Variants in TBC1D4 observed in about 807,000 individuals in gnomAD.
TBC1D4 encodes TBC (Tre-2, BUB2, CDC16) domain-containing protein.
Under a neutral mutation model 142.5 loss-of-function variants are expected in TBC1D4, and 121 were observed. The ratio of observed to expected loss-of-function variants is 0.85; its 90% CI spans 0.73 to 0.99. TBC1D4 has a LOEUF of 0.99. Among genes scored for constraint, TBC1D4 ranks in the 50% least tolerant of loss-of-function variants. TBC1D4 has a pLI of 0.00. For missense variants in TBC1D4, 1,475 were observed against 1,606.6 expected, an observed-to-expected ratio of 0.92 and a Z score of 1.40; for synonymous variants, 630 against 628.2, an observed-to-expected ratio of 1.00 and a Z score of -0.04.
Position 75,341,533 on chromosome 13 carries a change from G to A in TBC1D4, c.1463C>T (p.Thr488Ile). 1 of 1,613,932 alleles carries A rather than the reference G, an allele frequency of 6.2e-7. No homozygotes were observed. The highest frequency in any genetic ancestry group is 8.5e-7 in the Non-Finnish European group (1 of 1,179,986). ...LVIQRHLSSL[T>I]DNEQADIFER... The stretch of plus-strand genomic sequence containing the variant: ...AAAGATGTCAGCTTGCTCATTATCT[G>A]TCAGTGATGAGAGATGCCTCTGTAT... Residue 488 changes from threonine (T) to isoleucine (I), a missense_variant, in exon 6 of 21, where the codon ACA becomes ATA. Physicochemically the swap from Thr to Ile is moderately conservative, Grantham distance 89 (BLOSUM62 -1). Coordinates refer to ENST00000377636, the MANE Select transcript of TBC1D4 (RefSeq NM_014832.5).
chr13:75,379,689 T>C (rs1883707970), intron 1 of TBC1D4, among the ~76,000 whole-genome samples: 1 of 152,112 alleles, frequency 6.6e-6, no homozygotes, highest in Non-Finnish European at 1.5e-5. Flanking sequence ...ACATTAGAAG[T>C]TCTTGAGTCC....
At position 75,326,305 on chromosome 13, in the gene TBC1D4, G is replaced by A. The variant is rs1417664552; in HGVS notation, c.1925C>T (p.Thr642Met). 3.1e-6 allele frequency: 5 copies of A among 1,614,018 alleles called. No homozygotes were observed. Among genetic ancestry groups the A allele is most frequent in the East Asian group, 2.2e-5 (1 of 44,876 alleles). ...DSPQFRRRAH[T>M]FSHPPSSTKR... ...TGTGCTTGAAGGTGGGTGGCTGAACGTGTGTGCCCGTCTTCGAAACTGCGG... is the reference window on the plus strand; with the variant it reads ...TGTGCTTGAAGGTGGGTGGCTGAACATGTGTGCCCGTCTTCGAAACTGCGG... Residue 642 changes from threonine (T) to methionine (M), a missense_variant, in exon 10 of 21, where the codon ACG (threonine) becomes ATG (methionine). This residue lies in a region of TBC1D4 where 1,227 missense variants were observed against 1,267.7 expected (regional missense o/e 0.97). Transcript: ENST00000377636.
intron 1 of TBC1D4, among the ~76,000 whole-genome samples, chr13:75,434,911 G>T (rs977926499): frequency 2.7e-5 from 4 of 150,358 alleles, no homozygotes; most frequent in Middle Eastern, 3.4e-3. Flanking sequence ...ACTTTGGGAG[G>T]CCAAGGCAGG....
At chr13:75,438,091 C>G (rs2138187085) in intron 1 of TBC1D4, among the ~76,000 whole-genome samples, 1 of 152,326 alleles carries the variant, frequency 6.6e-6, no homozygotes, top group South Asian at 2.1e-4. Context: ...CCTCATTCTG[C>G]TATATCCAAT....
At chr13:75,453,893 T>G (rs1593903495) in intron 1 of TBC1D4, among the ~76,000 whole-genome samples, 1 of 151,860 alleles carries the variant, frequency 6.6e-6, no homozygotes, top group East Asian at 1.9e-4. Context: ...TTTAATAATA[T>G]CGAAAAAGAA....
rs1887158170 is a variant in TBC1D4, at chr13:75,443,921, T to C, written c.498+37349A>G. Reference sequence around the variant, plus strand: ...GATACAGACGTGACAACAGGATAACTTTCATAGTCTTCTTAAAGCATTTTA... The same window carrying C: ...GATACAGACGTGACAACAGGATAACCTTCATAGTCTTCTTAAAGCATTTTA... On this transcript the variant is annotated intron_variant, in intron 1 of 20. Transcript: ENST00000377636. Among the ~76,000 whole-genome samples, 6 of 151,956 alleles carry C rather than the reference T, an allele frequency of 3.9e-5. 1 individual carries two copies. The South Asian group carries it at 1.2e-3, about 31-fold the overall frequency.
At chr13:75,419,407 C>T (rs2138112724) in intron 1 of TBC1D4, among the ~76,000 whole-genome samples, 1 of 152,226 alleles carries the variant, frequency 6.6e-6, no homozygotes, top group East Asian at 1.9e-4. Context: ...GTAAGGATTG[C>T]AGATTTTTAC....
chr13:75,339,393 C>T (rs1244031883), intron 7 of TBC1D4, among the ~76,000 whole-genome samples: 3 of 152,052 alleles, frequency 2.0e-5, no homozygotes, highest in Non-Finnish European at 4.4e-5. Flanking sequence ...CTTCTCACTC[C>T]CTTACTTGAA....
intron 1 of TBC1D4, among the ~76,000 whole-genome samples, chr13:75,460,919 C>G (rs1292419790): frequency 6.6e-6 from 1 of 151,906 alleles, no homozygotes; most frequent in Non-Finnish European, 1.5e-5. Context: ...CAAGATCCTG[C>G]TTCAAAAAAA....
In TBC1D4 at chr13:75,286,766, T is replaced by G; in HGVS notation, c.*26A>C. Reference sequence around the variant, plus strand: ...CTCTCTGTAGTATTCTAAGGAGCACTTTCTGCTGAGGCCGTGCCTCTTCAA... The same window carrying G: ...CTCTCTGTAGTATTCTAAGGAGCACGTTCTGCTGAGGCCGTGCCTCTTCAA... On this transcript the variant is annotated 3_prime_UTR_variant, in exon 21 of 21. Coordinates refer to ENST00000377636, the MANE Select transcript of TBC1D4 (RefSeq NM_014832.5). 6.2e-7 allele frequency: 1 copy of G among 1,608,002 alleles called. No homozygotes were observed. Among genetic ancestry groups the G allele is most frequent in the Non-Finnish European group, 8.5e-7 (1 of 1,176,098 alleles).
At chr13:75,374,375 A>C (rs1883385084) in intron 1 of TBC1D4, among the ~76,000 whole-genome samples, 1 of 152,158 alleles carries the variant, frequency 6.6e-6, no homozygotes, top group African/African-American at 2.4e-5. Context: ...TATGTATGTC[A>C]AACATACATA....
chr13:75,357,996 T>TA (rs1230317547), intron 3 of TBC1D4, among the ~76,000 whole-genome samples: 3 of 12,690 alleles, frequency 2.4e-4, no homozygotes, highest in East Asian at 1.1e-3. Context: ...TTCTTTTTTC[T>TA]TTCTATTTTT....
At chr13:75,313,229 GAAAT>G (rs1275259662) in intron 12 of TBC1D4, among the ~76,000 whole-genome samples, 1 of 152,190 alleles carries the variant, frequency 6.6e-6, no homozygotes, top group Non-Finnish European at 1.5e-5. Context: ...CTTTGCTAAG[GAAAT>G]AACATGAATA....
intron 1 of TBC1D4, among the ~76,000 whole-genome samples, chr13:75,409,989 A>G (rs889101123): frequency 2.6e-5 from 4 of 152,164 alleles, no homozygotes; most frequent in Admixed American, 6.5e-5. Flanking sequence ...CAGATTTTTA[A>G]ATTTGTTCAC....
In TBC1D4 at chr13:75,362,513, T is replaced by C; in HGVS notation, c.593A>G (p.Asn198Ser). 1.9e-6 allele frequency: 3 copies of C among 1,614,190 alleles called. No homozygotes were observed. Among genetic ancestry groups the C allele is most frequent in the Non-Finnish European group, 1.7e-6 (2 of 1,180,030 alleles). The change falls in exon 2 of 21, where the codon AAC becomes AGC. Residue 198 changes from asparagine to serine, a missense_variant. This residue lies in a region of TBC1D4 where 1,227 missense variants were observed against 1,267.7 expected (regional missense o/e 0.97). Transcript: ENST00000377636. This position sits in a 1 kb window ranked among gnomAD's most constrained non-coding sequence, Gnocchi z 4.2. ...GTACAGGACTTCGAACTTCTGAGAG[T>C]TGTAAAAGGCGTCCTCATTATCTTT... ...PSKDNEDAFY[N>S]SQKFEVLYCG... is the part of the protein sequence containing the mutation.
chr13:75,469,810 C>G (rs1200175753), intron 1 of TBC1D4, among the ~76,000 whole-genome samples: 3 of 152,134 alleles, frequency 2.0e-5, no homozygotes, highest in African/African-American at 7.2e-5. Flanking sequence ...GAGGCAGAAT[C>G]AATGTGACTT....
intron 11 of TBC1D4, 139 bp downstream of exon 11, chr13:75,324,098 T>C: frequency 2.0e-6 from 2 of 976,536 alleles, no homozygotes; most frequent in South Asian, 3.0e-5. Flanking sequence ...TTGAAACCAA[T>C]ATATTAGAAA....
chr13:75,335,660 C>T (rs1880134717), intron 8 of TBC1D4, among the ~76,000 whole-genome samples: 1 of 152,002 alleles, frequency 6.6e-6, no homozygotes, highest in Non-Finnish European at 1.5e-5. Flanking sequence ...ATACTGAGTT[C>T]TCATGAGATC....
intron 1 of TBC1D4, 54 bp downstream of exon 1, chr13:75,481,216 T>A: frequency 8.4e-5 from 65 of 771,472 alleles, no homozygotes; most frequent in Non-Finnish European, 1.1e-4. Context: ...CCCGCCCTGC[T>A]CCCCGATCCC....
Sources: allele counts gnomAD v4.1 joint callset (sites outside exome capture counted in the v4.1 genomes callset), GRCh38; gene constraint gnomAD v4.1.1; regional missense constraint gnomAD v4.1.1; non-coding constraint Gnocchi (gnomAD v3.1); transcripts MANE v1.5; gene names NCBI Gene and HGNC (gene_info 2026-07-23, HGNC 2026-07-21).